Variants in SIMC1 observed in about 807,000 individuals in gnomAD.
SIMC1 encodes SUMO-interacting motif-containing protein 1.
In SIMC1, 55 loss-of-function variants were observed where a neutral mutation model predicts 82.3. The observed-to-expected ratio is 0.67, with a 90% CI of 0.54 to 0.84. The LOEUF (loss-of-function observed/expected upper bound fraction) is 0.84, where lower values mean the gene tolerates loss of function less well. Ranked by LOEUF, SIMC1 falls within the 40% of genes least tolerant of loss-of-function variation. SIMC1 has a pLI of 0.00. For missense variants in SIMC1, 915 were observed against 1,107.2 expected, an observed-to-expected ratio of 0.83 and a Z score of 2.46; for synonymous variants, 353 against 426.3, an observed-to-expected ratio of 0.83 and a Z score of 2.12.
At chr5:176,271,938 CTAT>C (rs1561682171) in intron 1 of SIMC1, among the ~76,000 whole-genome samples, 1 of 140,258 alleles carries the variant, frequency 7.1e-6, no homozygotes, top group African/African-American at 2.6e-5. Flanking sequence ...ATAATATATA[CTAT>C]TATATATTAT....
chr5:176,246,066 G>A (rs1445940157), intron 1 of SIMC1, among the ~76,000 whole-genome samples: 2 of 148,594 alleles, frequency 1.3e-5, no homozygotes, highest in African/African-American at 2.5e-5. Context: ...CTGGAGTGCA[G>A]TGGCACGATC....
chr5:176,318,096 G>A (rs1764998213), intron 5 of SIMC1, among the ~76,000 whole-genome samples: 2 of 152,160 alleles, frequency 1.3e-5, no homozygotes, highest in East Asian at 1.9e-4. Flanking sequence ...TTGTGGGAGG[G>A]GACAAATCAG....
chr5:176,324,783 G>T lies in SIMC1; in HGVS notation c.2171+26G>T, dbSNP rs764574674. On this transcript the variant is annotated intron_variant, in intron 7 of 9. Coordinates refer to ENST00000429602, the MANE Select transcript of SIMC1 (RefSeq NM_001308195.2). ...GTGAGTCTTGATTTTGTTGGGGAGA[G>T]CAGTTATTTAAAAAAAAAACAAAAA... 5 of 1,515,334 alleles carry T rather than the reference G, an allele frequency of 3.3e-6. No homozygotes were observed. The African/African-American group carries it at 7.1e-5, about 22-fold the overall frequency. 93.9% of individuals were successfully genotyped at this position (1,515,334 alleles called of 1,614,324 possible). A position where few individuals can be genotyped will look rare whatever the true frequency, so the allele number is the denominator to read the frequency against.
At chr5:176,276,093 A>G (rs1307152144) in intron 1 of SIMC1, among the ~76,000 whole-genome samples, 1 of 151,636 alleles carries the variant, frequency 6.6e-6, no homozygotes, top group Non-Finnish European at 1.5e-5. Context: ...CTGTGAATCC[A>G]TCTGATCCTG....
Position 176,290,655 on chromosome 5 carries a change from T to A in SIMC1, c.1131T>A (p.Asp377Glu), listed in dbSNP as rs762913107. 1 of 1,613,910 alleles carries A rather than the reference T, an allele frequency of 6.2e-7. No individual in the cohort carries two copies. The highest frequency in any genetic ancestry group is 1.3e-5 in the African/African-American group (1 of 74,934). ...ACAGGCCTGACTTTACCCAGAATGA[T>A]GTACAGAACCGTGACATGCCTATGG... ...PGDRPDFTQN[D>E]VQNRDMPMDI... The change falls in exon 2 of 10, where the codon GAT (aspartate) becomes GAA (glutamate). Residue 377 changes from aspartate (D) to glutamate (E), a missense_variant. Asp to Glu is a conservative substitution (Grantham distance 45). Coordinates refer to ENST00000429602, the MANE Select transcript of SIMC1 (RefSeq NM_001308195.2).
At chr5:176,329,568 C>G (rs1561728871) in intron 7 of SIMC1, among the ~76,000 whole-genome samples, 1 of 150,894 alleles carries the variant, frequency 6.6e-6, no homozygotes, top group African/African-American at 2.4e-5. Flanking sequence ...CCTTTTATAG[C>G]TACAATCATC....
chr5:176,271,831 A>G (rs1344432920), intron 1 of SIMC1, among the ~76,000 whole-genome samples: 1 of 148,226 alleles, frequency 6.7e-6, no homozygotes, highest in Non-Finnish European at 1.5e-5. Flanking sequence ...TTCCTGTCTC[A>G]AAATATCTCA....
chr5:176,284,434 TAATGA>T (rs1763169287), intron 1 of SIMC1, among the ~76,000 whole-genome samples: 2 of 152,032 alleles, frequency 1.3e-5, no homozygotes, highest in Admixed American at 6.6e-5. Flanking sequence ...CTGGGGTACA[TAATGA>T]AATGAAGGCA....
At chr5:176,301,392 G>A (rs2113298524) in intron 4 of SIMC1, among the ~76,000 whole-genome samples, 1 of 152,268 alleles carries the variant, frequency 6.6e-6, no homozygotes, top group East Asian at 1.9e-4. Flanking sequence ...GGAACTGTAA[G>A]GCAACTAAAC....
intron 1 of SIMC1, among the ~76,000 whole-genome samples, chr5:176,281,157 C>T (rs1159001146): frequency 2.0e-5 from 3 of 152,134 alleles, no homozygotes; most frequent in Non-Finnish European, 4.4e-5. Flanking sequence ...TCTAAACTTC[C>T]CTTCTTGCTT....
chr5:176,333,411 T>G (rs1412174304), intron 7 of SIMC1, among the ~76,000 whole-genome samples: 1 of 152,056 alleles, frequency 6.6e-6, no homozygotes, highest in African/African-American at 2.4e-5. Flanking sequence ...TCATCCAGGT[T>G]GTGGGGTTTT....
chr5:176,272,102 G>A (rs1276439995), intron 1 of SIMC1, among the ~76,000 whole-genome samples: 2 of 144,376 alleles, frequency 1.4e-5, no homozygotes, highest in East Asian at 2.0e-4. Flanking sequence ...CACCACTTTG[G>A]GAGACCAAGG....
chr5:176,325,768 CTCTTA>C (rs918016866), intron 7 of SIMC1, among the ~76,000 whole-genome samples: 20 of 152,072 alleles, frequency 1.3e-4, no homozygotes, highest in Admixed American at 8.5e-4. Flanking sequence ...CTGCCTTCTT[CTCTTA>C]TCTTTATCCA....
intron 1 of SIMC1, among the ~76,000 whole-genome samples, chr5:176,284,578 A>T (rs1201019655): frequency 6.6e-6 from 1 of 152,232 alleles, no homozygotes; most frequent in Admixed American, 6.5e-5. Flanking sequence ...AGCAGGAAAG[A>T]TCTAAAATTG....
Position 176,318,832 on chromosome 5 carries a change from C to T in SIMC1, c.1890-3441C>T, listed in dbSNP as rs375744120. Among the ~76,000 whole-genome samples the T allele has an allele frequency of 1.7e-4, 26 of 152,294 alleles. No individual in the cohort carries two copies. In the East Asian group the frequency reaches 4.4e-3, roughly 26 times the overall value. On this transcript the variant is annotated intron_variant, in intron 5 of 9. Transcript: ENST00000429602. ...TGTTAAGAAATGGTAAGTAGTCGGG[C>T]GTGGTGGCTCACGCCTGTAGTCCCA...
chr5:176,304,026 A>G (rs1201368661), intron 4 of SIMC1, among the ~76,000 whole-genome samples: 1 of 152,240 alleles, frequency 6.6e-6, no homozygotes, highest in Non-Finnish European at 1.5e-5. Context: ...CCATAAACAC[A>G]GGCAGCAAAA....
intron 1 of SIMC1, among the ~76,000 whole-genome samples, chr5:176,272,162 C>A (rs1196235409): frequency 8.0e-6 from 1 of 124,300 alleles, no homozygotes; most frequent in African/African-American, 3.1e-5. Flanking sequence ...GTAGTGACAT[C>A]CCATCTCTAC....
At chr5:176,276,513 T>A (rs1762706826) in intron 1 of SIMC1, among the ~76,000 whole-genome samples, 1 of 150,614 alleles carries the variant, frequency 6.6e-6, no homozygotes. Context: ...TAGTTACATA[T>A]GTATACATGT....
chr5:176,242,012 GT>G (rs1452727307), intron 1 of SIMC1, among the ~76,000 whole-genome samples: 2 of 152,042 alleles, frequency 1.3e-5, no homozygotes, highest in Non-Finnish European at 2.9e-5. Flanking sequence ...GTTATTCAAG[GT>G]TTACGATATT....
Sources: gnomAD v4.1 joint callset for allele counts (sites outside exome capture counted in the v4.1 genomes callset) on GRCh38, gnomAD v4.1.1 for gene constraint, MANE v1.5 for transcripts, NCBI Gene and HGNC (gene_info 2026-07-23, HGNC 2026-07-21) for gene names.